SERINC5: variants seen among roughly 807,000 people sequenced by gnomAD.
SERINC5 encodes the protein chromosome 5 open reading frame 12.
SERINC5 carries 41 observed loss-of-function variants against 63.1 expected under a neutral mutation model. The ratio of observed to expected loss-of-function variants is 0.65; its 90% confidence interval spans 0.51 to 0.84. The LOEUF is 0.84. Among genes scored for constraint, SERINC5 ranks in the 40% least tolerant of loss-of-function variants. The probability of loss-of-function intolerance (pLI) is 0.00; values close to 1 mark genes in which losing one functional copy is unlikely to be tolerated. For missense variants in SERINC5, 523 were observed against 573.0 expected, an observed-to-expected ratio of 0.91 and a Z score of 0.89; for synonymous variants, 222 against 215.2, an observed-to-expected ratio of 1.03 and a Z score of -0.28.
chr5:80,181,312 T>C (rs1301073152), intron 2 of SERINC5, among the ~76,000 whole-genome samples: 1 of 152,182 alleles, frequency 6.6e-6, no homozygotes, highest in Admixed American at 6.6e-5. Flanking sequence ...AGTGGCGCAA[T>C]CTTGGCTCAC....
intron 1 of SERINC5, among the ~76,000 whole-genome samples, chr5:80,205,954 T>A (rs1417470175): frequency 7.4e-6 from 1 of 135,368 alleles, no homozygotes; most frequent in Non-Finnish European, 1.6e-5. Context: ...AAACAAAATA[T>A]TAGCCGGGTG....
At chr5:80,208,283 A>T (rs1399899085) in intron 1 of SERINC5, among the ~76,000 whole-genome samples, 1 of 151,782 alleles carries the variant, frequency 6.6e-6, no homozygotes, top group Non-Finnish European at 1.5e-5. Flanking sequence ...GGAGCTGATA[A>T]TGGGGGAGGC....
chr5:80,226,621 C>CATT (rs1452426696), intron 1 of SERINC5, among the ~76,000 whole-genome samples: 1 of 152,188 alleles, frequency 6.6e-6, no homozygotes, highest in Non-Finnish European at 1.5e-5. Flanking sequence ...TGAGATGTGC[C>CATT]ATTCCCAATG....
chr5:80,234,464 T>A (rs1751597201), intron 1 of SERINC5, among the ~76,000 whole-genome samples: 1 of 152,170 alleles, frequency 6.6e-6, no homozygotes, highest in Admixed American at 6.5e-5. Context: ...TGCAAAAATG[T>A]GTTAAACTCT....
chr5:80,126,606 A>G (rs1470025), intron 11 of SERINC5, among the ~76,000 whole-genome samples: 46,377 of 152,092 alleles, frequency 0.3, 7,365 homozygotes, highest in Admixed American at 0.37. Context: ...TTCTTCTTCA[A>G]TGTTGTGAGA....
chr5:80,188,081 G>A (rs1422928574), intron 2 of SERINC5, among the ~76,000 whole-genome samples: 5 of 151,940 alleles, frequency 3.3e-5, no homozygotes, highest in Non-Finnish European at 7.4e-5. Context: ...TCAGGAGTTC[G>A]AGACCAGCCT....
intron 2 of SERINC5, among the ~76,000 whole-genome samples, chr5:80,183,529 A>G (rs929976635): frequency 2.0e-5 from 3 of 152,206 alleles, no homozygotes; most frequent in African/African-American, 7.2e-5. Context: ...GTATACGCCC[A>G]GATGGCCTGA....
chr5:80,159,013 A>G, intron 7 of SERINC5, 51 bp from the exon 8 acceptor site: 1 of 1,604,374 alleles, frequency 6.2e-7, no homozygotes, highest in African/African-American at 1.3e-5. Flanking sequence ...GGCCAGTTGT[A>G]ACGCACAGAA....
chr5:80,160,942 A>G (rs6876506), intron 7 of SERINC5, among the ~76,000 whole-genome samples: 5 of 139,832 alleles, frequency 3.6e-5, no homozygotes, highest in African/African-American at 1.4e-4. Flanking sequence ...GTGTATATAT[A>G]TGTGTATATA....
At chr5:80,167,068 T>A (rs537659422) in intron 6 of SERINC5, 1 of 152,492 alleles carries the variant, frequency 6.6e-6, no homozygotes, top group African/African-American at 2.4e-5. Flanking sequence ...AGGTTATTTA[T>A]TTATTTATTC....
intron 7 of SERINC5, 47 bp downstream of exon 7, chr5:80,166,336 G>A: frequency 8.0e-7 from 1 of 1,253,014 alleles, no homozygotes; most frequent in Non-Finnish European, 1.1e-6. Flanking sequence ...CTCCATGAAT[G>A]AAAATATTCA....
In SERINC5 at chr5:80,112,437, C is replaced by T. The variant is rs188306259; in HGVS notation, c.*30-735G>A. Among the ~76,000 whole-genome samples the T allele has an allele frequency of 6.4e-3, 971 of 152,224 alleles. 4 individuals are homozygous for T. The highest frequency in any genetic ancestry group is 0.011 in the Non-Finnish European group (735 of 68,020). On this transcript the variant is annotated intron_variant, in intron 12 of 12. Transcript: ENST00000509193. ...CCCCACTATCACCCTGTTCTCCTGC[C>T]GCTTCCTCTTGCTGAGATAGTGAAA... is the stretch of plus-strand genomic sequence containing the variant.
chr5:80,160,538 T>C (rs998851768), intron 7 of SERINC5, among the ~76,000 whole-genome samples: 3 of 152,190 alleles, frequency 2.0e-5, no homozygotes, highest in East Asian at 3.8e-4. Flanking sequence ...AACGTAACTA[T>C]GTATGCTGTG....
At position 80,141,856 on chromosome 5, in the gene SERINC5, G is replaced by T. The variant is rs1745529482; in HGVS notation, c.*1807C>A. 1 of 985,366 alleles carries T rather than the reference G, an allele frequency of 1.0e-6. No homozygotes were observed. Among genetic ancestry groups the T allele is most frequent in the Non-Finnish European group, 1.2e-6 (1 of 829,856 alleles). 61.0% of individuals were successfully genotyped at this position (985,366 alleles called of 1,614,324 possible). On this transcript the variant is annotated 3_prime_UTR_variant, in exon 12 of 12. Coordinates refer to ENST00000507668, the MANE Select transcript of SERINC5 (RefSeq NM_001174072.3). ...GCTCTCTAAACCACACACACAGATG[G>T]AGTGCCTTTTGAAACTGAATCTCAA...
chr5:80,147,023 A>C (rs1165440470), intron 10 of SERINC5, among the ~76,000 whole-genome samples: 1 of 152,204 alleles, frequency 6.6e-6, no homozygotes, highest in Admixed American at 6.5e-5. Flanking sequence ...TTACATTTAA[A>C]CCAAAATTTG....
chr5:80,236,630 A>G (rs756563137), intron 1 of SERINC5, among the ~76,000 whole-genome samples: 2 of 151,554 alleles, frequency 1.3e-5, no homozygotes, highest in African/African-American at 2.4e-5. Context: ...GGTTCAAGCA[A>G]TTCTCCTGCC....
intron 1 of SERINC5, among the ~76,000 whole-genome samples, chr5:80,217,359 G>C (rs1750712180): frequency 6.6e-6 from 1 of 152,160 alleles, no homozygotes; most frequent in Admixed American, 6.5e-5. Flanking sequence ...CCCTTTCCAA[G>C]AGGTGCTATG....
chr5:80,127,856 A>C (rs919399488), intron 11 of SERINC5, among the ~76,000 whole-genome samples: 4 of 152,166 alleles, frequency 2.6e-5, no homozygotes, highest in Non-Finnish European at 5.9e-5. Context: ...TTGATTTCTC[A>C]AGGAAAAAAA....
intron 8 of SERINC5, 44 bp downstream of exon 8, chr5:80,158,792 T>C: frequency 1.3e-6 from 2 of 1,582,490 alleles, no homozygotes; most frequent in Non-Finnish European, 8.6e-7. Context: ...TTCCTGTAAT[T>C]TTAAAGTCTG....
Sources: gnomAD v4.1 joint callset for allele counts (sites outside exome capture counted in the v4.1 genomes callset) on GRCh38, gnomAD v4.1.1 for gene constraint, MANE v1.5 for transcripts, NCBI Gene and HGNC (gene_info 2026-07-23, HGNC 2026-07-21) for gene names.